IFITM3: variants seen among roughly 807,000 people sequenced by gnomAD.
The protein encoded by IFITM3 is interferon-induced transmembrane protein 3.
In IFITM3, 5 loss-of-function variants were observed where a neutral mutation model predicts 5.2. The ratio of observed to expected loss-of-function variants is 0.96; its 90% CI spans 0.50 to 2.03. The LOEUF is 2.03. IFITM3 is among the 30% of genes most tolerant of loss of function. IFITM3 has a pLI of 0.01. For missense variants in IFITM3, 156 were observed against 177.3 expected (o/e 0.88, Z 0.68); for synonymous variants, 81 against 77.6 (o/e 1.04, Z -0.23).
Position 319,885 on chromosome 11 carries a change from T to C in IFITM3, c.355A>G (p.Ile119Val). 6.2e-7 allele frequency: 1 copy of C among 1,614,168 alleles called. No homozygotes were observed. The highest frequency in any genetic ancestry group is 2.2e-5 in the East Asian group (1 of 44,880). ...WALILGILMTILLIVIPVLIF... is the reference protein window; with the variant it reads ...WALILGILMTVLLIVIPVLIF... ...AGCACTGGGATGACGATGAGCAGAA[T>C]GGTCATGAGGATGCCCAGAATCAGG... Residue 119 changes from isoleucine to valine, a missense_variant, in exon 2 of 2, where the codon ATT (isoleucine) becomes GTT (valine). By Grantham distance (29) the Ile-to-Val change is conservative. Transcript: ENST00000399808.
rs374730351 is a variant in IFITM3 at position 320,664 on chromosome 11, G to T, written c.150C>A (p.Ser50Arg). 3.7e-6 allele frequency: 6 copies of T among 1,613,932 alleles called. No homozygotes were observed. The South Asian group carries it at 5.5e-5, about 15-fold the overall frequency. Residue 50 changes from serine to arginine, a missense_variant, in exon 1 of 2, where the codon AGC (serine) becomes AGA (arginine). Coordinates refer to ENST00000399808, the MANE Select transcript of IFITM3 (RefSeq NM_021034.3). ...CGACATGGTCGGGCACGGAGGTCTC[G>T]CTGCGGATGTGGATCACGGTGGACG... is the stretch of plus-strand genomic sequence containing the variant. ...PPTSTVIHIR[S>R]ETSVPDHVVW...
chr11:320,711 G>A lies in IFITM3; in HGVS notation c.103C>T (p.Pro35Ser). ...GACGTCGGGGGAGCAGGGTTGTGGG[G>A]CGCCCCCAGCACAGCCACCTCGTGC... ...EEHEVAVLGAPHNPAPPTSTV... is the reference protein window; with the variant it reads ...EEHEVAVLGASHNPAPPTSTV... The change falls in exon 1 of 2, where the codon CCC (proline) becomes TCC (serine). Residue 35 changes from proline (P) to serine (S), a missense_variant. By Grantham distance (74) the Pro-to-Ser change is moderately conservative. Coordinates refer to ENST00000399808, the MANE Select transcript of IFITM3 (RefSeq NM_021034.3). The A allele has an allele frequency of 1.2e-6, 2 of 1,613,862 alleles. No homozygotes were observed. Among genetic ancestry groups the A allele is most frequent in the South Asian group, 1.1e-5 (1 of 91,062 alleles).
rs762885410 is a variant in IFITM3, at chr11:319,899, C to T, written c.341G>A (p.Gly114Asp). ...GATGAGCAGAATGGTCATGAGGATG[C>T]CCAGAATCAGGGCCCAGATGTTCAG... ...KCLNIWALIL[G>D]ILMTILLIVI... Residue 114 changes from glycine (G) to aspartate (D), a missense_variant, in exon 2 of 2, where the codon GGC becomes GAC. Gly to Asp is a moderately conservative substitution (Grantham distance 94). Coordinates refer to ENST00000399808, the MANE Select transcript of IFITM3 (RefSeq NM_021034.3). 1.2e-6 allele frequency: 2 copies of T among 1,614,002 alleles called. No individual in the cohort carries two copies. Among genetic ancestry groups the T allele is most frequent in the African/African-American group, 2.7e-5 (2 of 74,910 alleles).
At position 320,793 on chromosome 11, in the gene IFITM3, G is replaced by T. The variant is rs2119493548; in HGVS notation, c.21C>A (p.Thr7=). ...GGCCACTGTTGACAGGAGAGAAGAA[G>T]GTTTGGACAGTGTGATTCATGGTGT... MNHTVQ[T]FFSPVNSGQP... The change falls in exon 1 of 2, where the codon ACC becomes ACA. Residue 7 remains threonine (T), a synonymous_variant. Coordinates refer to ENST00000399808, the MANE Select transcript of IFITM3 (RefSeq NM_021034.3). 1.2e-6 allele frequency: 2 copies of T among 1,613,266 alleles called. No individual in the cohort carries two copies. Among genetic ancestry groups the T allele is most frequent in the East Asian group, 2.2e-5 (1 of 44,868 alleles).
At chr11:320,487 C>T in intron 1 of IFITM3, 78 bp downstream of exon 1, 1 of 1,585,522 alleles carries the variant, frequency 6.3e-7, no homozygotes, top group Admixed American at 1.7e-5. Flanking sequence ...ACACAAGTCC[C>T]CACCCCAGGC....
chr11:319,966 C>G lies in IFITM3; in HGVS notation c.274G>C (p.Asp92His). 6.2e-7 allele frequency: 1 copy of G among 1,613,970 alleles called. No homozygotes were observed. The highest frequency in any genetic ancestry group is 8.5e-7 in the Non-Finnish European group (1 of 1,179,996). The change falls in exon 2 of 2, where the codon GAC becomes CAC. Residue 92 changes from aspartate to histidine, a missense_variant. By Grantham distance (81) the Asp-to-His change is moderately conservative. Transcript: ENST00000399808. ...VKSRDRKMVG[D>H]VTGAQAYAST... is the part of the protein sequence containing the mutation. ...GCATAGGCCTGGGCCCCGGTCACGT[C>G]GCCAACCATCTTCCTGTCCCTAGAC...
intron 1 of IFITM3, 155 bp from the exon 2 acceptor site, chr11:320,145 C>T (rs1235517597): frequency 5.0e-6 from 4 of 801,468 alleles, no homozygotes; most frequent in Middle Eastern, 3.3e-4. Flanking sequence ...CCTCGGGGCT[C>T]ATCCTCCTTC....
Position 320,039 on chromosome 11 carries a change from C to T in IFITM3, c.250-49G>A, listed in dbSNP as rs377462696. On this transcript the variant is annotated intron_variant, in intron 1 of 1. Coordinates refer to ENST00000399808, the MANE Select transcript of IFITM3 (RefSeq NM_021034.3). ...GGACCAGGATCCCCCAGCTGAGAGCCGCGTGCTATGGCTCCGTCTCCTCAT... is the reference window on the plus strand; with the variant it reads ...GGACCAGGATCCCCCAGCTGAGAGCTGCGTGCTATGGCTCCGTCTCCTCAT... 28 of 1,605,412 alleles carry T rather than the reference C, an allele frequency of 1.7e-5. No individual in the cohort carries two copies. In the African/African-American group the frequency reaches 2.6e-4, roughly 15 times the overall value.
chr11:320,282 A>G (rs1371112522), intron 1 of IFITM3: 5 of 698,972 alleles, frequency 7.2e-6, no homozygotes, highest in Non-Finnish European at 1.3e-5. Context: ...TTACTGGGCT[A>G]TAGGGAGAAC....
chr11:320,059 C>T, intron 1 of IFITM3, 69 bp from the exon 2 acceptor site: 3 of 1,603,444 alleles, frequency 1.9e-6, no homozygotes, highest in Non-Finnish European at 1.7e-6. Flanking sequence ...GGCTCCGTCT[C>T]CTCATTGGCT....
In IFITM3 at chr11:319,996, G is replaced by A. The variant is rs892572442; in HGVS notation, c.250-6C>T. 2.5e-6 allele frequency: 4 copies of A among 1,612,600 alleles called. No individual in the cohort carries two copies. Among genetic ancestry groups the A allele is most frequent in the Non-Finnish European group, 3.4e-6 (4 of 1,179,554 alleles). ...ACCATCTTCCTGTCCCTAGACTGGG[G>A]GAGAGGAGATGGTGAGGGGACCAGG... On this transcript the variant is annotated splice_polypyrimidine_tract_variant and splice_region_variant and intron_variant, in intron 1 of 1. Coordinates refer to ENST00000399808, the MANE Select transcript of IFITM3 (RefSeq NM_021034.3).
rs774714628 is a variant in IFITM3 at position 319,748 on chromosome 11, C to G, written c.*90G>C. On this transcript the variant is annotated 3_prime_UTR_variant, in exon 2 of 2. Coordinates refer to ENST00000399808, the MANE Select transcript of IFITM3 (RefSeq NM_021034.3). Reference sequence around the variant, plus strand: ...GAGGATAAAGGGCTGATACAGGACTCGGCTCCGGGGGCAGGGCGAGGAATG... The same window carrying G: ...GAGGATAAAGGGCTGATACAGGACTGGGCTCCGGGGGCAGGGCGAGGAATG... The G allele has an allele frequency of 1.9e-6, 3 of 1,548,310 alleles. No homozygotes were observed. Among genetic ancestry groups the G allele is most frequent in the Non-Finnish European group, 2.7e-6 (3 of 1,121,830 alleles).
chr11:320,055 G>C, intron 1 of IFITM3, 65 bp from the exon 2 acceptor site: 1 of 1,599,608 alleles, frequency 6.3e-7, no homozygotes, highest in African/African-American at 1.4e-5. Context: ...CTATGGCTCC[G>C]TCTCCTCATT....
intron 1 of IFITM3, chr11:320,314 C>T (rs1287810894): frequency 1.4e-5 from 10 of 734,850 alleles, no homozygotes; most frequent in Admixed American, 4.1e-5. Flanking sequence ...AGTGGATAGC[C>T]GGGGACAGAC....
At position 320,854 on chromosome 11, in the gene IFITM3, G is replaced by T. The variant is rs1349403356; in HGVS notation, c.-41C>A. ...CCAGCGGCGGTCGGGTTACTGGGAT[G>T]GTTCTCAGTGAGCCCTCCCTTTCCC... On this transcript the variant is annotated 5_prime_UTR_variant, in exon 1 of 2. Transcript: ENST00000399808. 3 of 1,573,504 alleles carry T rather than the reference G, an allele frequency of 1.9e-6. No individual in the cohort carries two copies. Among genetic ancestry groups the T allele is most frequent in the Non-Finnish European group, 2.6e-6 (3 of 1,153,958 alleles).
chr11:320,261 G>A (rs1188439831), intron 1 of IFITM3: 6 of 713,116 alleles, frequency 8.4e-6, no homozygotes, highest in African/African-American at 1.7e-5. Context: ...GGAAGGTGAA[G>A]GTGTAATTTC....
rs745462872 is a variant in IFITM3 at position 320,553 on chromosome 11, G to A, written c.249+12C>T. 21 of 1,613,220 alleles carry A rather than the reference G, an allele frequency of 1.3e-5. No homozygotes were observed. In the African/African-American group the frequency reaches 2.7e-4, roughly 21 times the overall value. On this transcript the variant is annotated intron_variant, in intron 1 of 1. Coordinates refer to ENST00000399808, the MANE Select transcript of IFITM3 (RefSeq NM_021034.3). ...GCGGCACCCTCTGAGCATTCCCTGG[G>A]GCCATACGCACCTTCACGGAGTAGG...
At position 320,601 on chromosome 11, in the gene IFITM3, G is replaced by T. The variant is rs368011608; in HGVS notation, c.213C>A (p.Cys71Ter). The T allele has an allele frequency of 1.2e-6, 2 of 1,613,790 alleles. No homozygotes were observed. Among genetic ancestry groups the T allele is most frequent in the African/African-American group, 1.3e-5 (1 of 74,916 alleles). ...SLFNTLFMNP[C>*]CLGFIAFAYS... is the part of the protein sequence containing the mutation. ...AGGCGAATGCTATGAAGCCCAGGCAGCAGGGGTTCATGAAGAGGGTGTTGA... is the reference window on the plus strand; with the variant it reads ...AGGCGAATGCTATGAAGCCCAGGCATCAGGGGTTCATGAAGAGGGTGTTGA... The change falls in exon 1 of 2, where the codon TGC (cysteine) becomes TGA (stop). Residue 71 changes from cysteine to a stop codon, truncating the protein, a stop_gained. Coordinates refer to ENST00000399808, the MANE Select transcript of IFITM3 (RefSeq NM_021034.3). LOFTEE classifies it low-confidence loss of function (END_TRUNC).
rs556737449 is a variant in IFITM3 at position 320,359 on chromosome 11, C to T, written c.249+206G>A. 3.8e-4 allele frequency: 359 copies of T among 941,502 alleles called. 2 individuals are homozygous for T. In the African/African-American group the frequency reaches 5.4e-3, roughly 14 times the overall value. The allele number at this position is 941,502 out of a possible 1,614,324, so 58.3% of individuals were successfully genotyped here. ...GCCAGCCAGCCTCCTGGAGCCTCCT[C>T]CTAAACCTGCACTGGGCAGATTCCC... is the stretch of plus-strand genomic sequence containing the variant. On this transcript the variant is annotated intron_variant, in intron 1 of 1. Transcript: ENST00000399808.
Sources: gnomAD v4.1 joint callset for allele counts on GRCh38, gnomAD v4.1.1 for gene constraint, MANE v1.5 for transcripts, NCBI Gene and HGNC (gene_info 2026-07-23, HGNC 2026-07-21) for gene names.